ABAT: variants seen among roughly 807,000 people sequenced by gnomAD.
ABAT encodes 4-aminobutyrate aminotransferase, mitochondrial.
In ABAT, 45 loss-of-function variants were observed where a neutral mutation model predicts 64.6. The observed-to-expected ratio is 0.70, with a 90% CI of 0.55 to 0.89. The LOEUF is 0.89. Among genes scored for constraint, ABAT ranks in the 40% least tolerant of loss-of-function variants. ABAT has a pLI of 0.00. For missense variants in ABAT, 633 were observed against 658.4 expected (o/e 0.96, Z 0.42); for synonymous variants, 297 against 250.5 (o/e 1.19, Z -1.75).
chr16:8,708,177 G>C (rs1039112321), intron 1 of ABAT, among the ~76,000 whole-genome samples: 4 of 152,138 alleles, frequency 2.6e-5, no homozygotes, highest in Non-Finnish European at 5.9e-5. Flanking sequence ...GAGTCTGCTG[G>C]GAGAGAGAAT....
chr16:8,781,629 A>T lies in ABAT; in HGVS notation c.*199A>T. On this transcript the variant is annotated 3_prime_UTR_variant, in exon 16 of 16. Coordinates refer to ENST00000268251, the MANE Select transcript of ABAT (RefSeq NM_020686.6). The surrounding 1 kb of genome is among the most constrained non-coding windows in gnomAD (Gnocchi z 4.5). ...CTGGTGTTGATTTTCCTCCCTGCAG[A>T]GCCAATGGTGCACATTGGTTTAAGC... is the stretch of plus-strand genomic sequence containing the variant. 1 of 697,778 alleles carries T rather than the reference A, an allele frequency of 1.4e-6. No individual in the cohort carries two copies. Among genetic ancestry groups the T allele is most frequent in the Admixed American group, 2.1e-5 (1 of 46,622 alleles). The allele number at this position is 697,778 out of a possible 1,614,324, so 43.2% of individuals were successfully genotyped here.
intron 1 of ABAT, among the ~76,000 whole-genome samples, chr16:8,724,731 G>GAAAA (rs1567286719): frequency 1.4e-5 from 1 of 73,194 alleles, no homozygotes; most frequent in African/African-American, 4.3e-5. Context: ...CTTGTCTCAG[G>GAAAA]AAAAAAAAAA....
intron 1 of ABAT, among the ~76,000 whole-genome samples, chr16:8,685,175 A>G (rs899562463): frequency 6.6e-6 from 1 of 151,794 alleles, no homozygotes; most frequent in African/African-American, 2.4e-5. Flanking sequence ...AGTGCCAACT[A>G]CTCGGGAGGC....
chr16:8,781,603 G>T lies in ABAT; in HGVS notation c.*173G>T. The stretch of plus-strand genomic sequence containing the variant: ...TTGGGGGAGGGGAGGGGAGGGAAGG[G>T]CTGGTGTTGATTTTCCTCCCTGCAG... On this transcript the variant is annotated 3_prime_UTR_variant, in exon 16 of 16. Coordinates refer to ENST00000268251, the MANE Select transcript of ABAT (RefSeq NM_020686.6). This position sits in a 1 kb window ranked among gnomAD's most constrained non-coding sequence, Gnocchi z 4.5. 1.3e-6 allele frequency: 1 copy of T among 756,250 alleles called. No homozygotes were observed. 46.8% of individuals were successfully genotyped at this position (756,250 alleles called of 1,614,324 possible).
In ABAT at chr16:8,674,644, C is replaced by T. The variant is rs1056048537; in HGVS notation, c.-109C>T. ...GCAGACACCCAGCGCTGCCGGAACT[C>T]GGGGCGCGCATCCCGCAAGTCGGAA... On this transcript the variant is annotated 5_prime_UTR_variant, in exon 1 of 16. Coordinates refer to ENST00000268251, the MANE Select transcript of ABAT (RefSeq NM_020686.6). 1.3e-5 allele frequency: 2 copies of T among 152,252 alleles called. No individual in the cohort carries two copies. Among genetic ancestry groups the T allele is most frequent in the African/African-American group, 4.8e-5 (2 of 41,466 alleles). The allele number at this position is 152,252 out of a possible 1,614,324, so 9.4% of individuals were successfully genotyped here.
intron 1 of ABAT, among the ~76,000 whole-genome samples, chr16:8,712,624 C>T (rs1021315456): frequency 1.3e-5 from 2 of 152,120 alleles, no homozygotes; most frequent in Non-Finnish European, 2.9e-5. Context: ...TGTGGAGTCC[C>T]CTTTGGCCCT....
chr16:8,675,370 A>G (rs2057173712), intron 1 of ABAT, among the ~76,000 whole-genome samples: 1 of 152,006 alleles, frequency 6.6e-6, no homozygotes, highest in South Asian at 2.1e-4. Flanking sequence ...CCCAGTAAAG[A>G]TGTAAAATGA....
In ABAT at chr16:8,776,996, T is replaced by A. The variant is rs1198856721; in HGVS notation, c.1269+506T>A. Among the ~76,000 whole-genome samples the A allele has an allele frequency of 2.0e-5, 3 of 152,222 alleles. No homozygotes were observed. The highest frequency in any genetic ancestry group is 2.0e-4 in the Admixed American group (3 of 15,286). ...TCACCGCAACCGCTGCCTCCTGGGT[T>A]CAGGAGATTCTCCGGCCTCAGCCTC... On this transcript the variant is annotated intron_variant, in intron 14 of 15. Coordinates refer to ENST00000268251, the MANE Select transcript of ABAT (RefSeq NM_020686.6). This position sits in a 1 kb window ranked among gnomAD's most constrained non-coding sequence, Gnocchi z 4.4.
At chr16:8,714,629 C>G (rs1245588117) in intron 1 of ABAT, 3 of 152,488 alleles carry the variant, frequency 2.0e-5, no homozygotes, top group African/African-American at 7.2e-5. Context: ...CGCTGAAGAT[C>G]CTGCAGTTGG....
chr16:8,781,513 T>G lies in ABAT; in HGVS notation c.*83T>G. The G allele has an allele frequency of 6.8e-7, 1 of 1,472,904 alleles. No homozygotes were observed. Among genetic ancestry groups the G allele is most frequent in the South Asian group, 1.1e-5 (1 of 89,152 alleles). 91.2% of individuals were successfully genotyped at this position (1,472,904 alleles called of 1,614,324 possible). ...AGTTTGCCTAATTCATGTTTTCACT[T>G]AAAAGTATCAGAGGTGAATGCACAG... On this transcript the variant is annotated 3_prime_UTR_variant, in exon 16 of 16. Transcript: ENST00000268251. This position sits in a 1 kb window ranked among gnomAD's most constrained non-coding sequence, Gnocchi z 4.5.
intron 1 of ABAT, among the ~76,000 whole-genome samples, chr16:8,712,328 A>G (rs1363370378): frequency 6.6e-6 from 1 of 152,238 alleles, no homozygotes; most frequent in African/African-American, 2.4e-5. Flanking sequence ...AAGGATACTG[A>G]TGTCTACAGT....
chr16:8,725,740 C>T (rs998296605), intron 1 of ABAT, among the ~76,000 whole-genome samples: 5 of 152,088 alleles, frequency 3.3e-5, no homozygotes, highest in African/African-American at 1.2e-4. Context: ...CCTTTTGCAC[C>T]AACCTAGTAC....
At position 8,772,924 on chromosome 16, in the gene ABAT, G is replaced by A; in HGVS notation, c.954+7G>A. On this transcript the variant is annotated splice_region_variant and intron_variant, in intron 12 of 15. Coordinates refer to ENST00000268251, the MANE Select transcript of ABAT (RefSeq NM_020686.6). ...GAGAGACATCGCCAGGAAGGTCAGT[G>A]GACAGGGCCGAGGTTGGATGGAGCC... The A allele has an allele frequency of 6.2e-7, 1 of 1,613,384 alleles. No individual in the cohort carries two copies. Among genetic ancestry groups the A allele is most frequent in the South Asian group, 1.1e-5 (1 of 91,026 alleles).
chr16:8,768,280 C>T, intron 10 of ABAT, 24 bp downstream of exon 10: 3 of 1,611,972 alleles, frequency 1.9e-6, no homozygotes, highest in Non-Finnish European at 2.5e-6. Context: ...ATTGCGCTCC[C>T]AAGGTGGCGT....
chr16:8,757,901 T>C (rs961336944), intron 6 of ABAT, 95 bp downstream of exon 6: 52 of 1,344,544 alleles, frequency 3.9e-5, no homozygotes, highest in Non-Finnish European at 9.6e-6. Flanking sequence ...TTTCATTCAT[T>C]CATTCATTCC....
chr16:8,682,186 TACAC>T (rs55951090), intron 1 of ABAT, among the ~76,000 whole-genome samples: 342 of 131,554 alleles, frequency 2.6e-3, no homozygotes, highest in African/African-American at 7.2e-3. Flanking sequence ...CCTAACAGGA[TACAC>T]ACACACACAC....
chr16:8,704,059 T>C (rs2057885562), intron 1 of ABAT, among the ~76,000 whole-genome samples: 1 of 152,234 alleles, frequency 6.6e-6, no homozygotes, highest in South Asian at 2.1e-4. Flanking sequence ...TTTCCTTTCT[T>C]CCACTATCTT....
intron 12 of ABAT, among the ~76,000 whole-genome samples, chr16:8,773,364 C>G (rs995259774): frequency 2.0e-5 from 3 of 152,160 alleles, no homozygotes; most frequent in African/African-American, 7.2e-5. Flanking sequence ...GTTGGCCAGG[C>G]TGGTCTTGAA....
At chr16:8,684,011 C>T (rs558119491) in intron 1 of ABAT, among the ~76,000 whole-genome samples, 2 of 152,132 alleles carry the variant, frequency 1.3e-5, no homozygotes, top group African/African-American at 2.4e-5. Context: ...TCAGCTACTA[C>T]ACCAGCGCCT....
Sources: gnomAD v4.1 joint callset for allele counts (sites outside exome capture counted in the v4.1 genomes callset) on GRCh38, gnomAD v4.1.1 for gene constraint, Gnocchi (gnomAD v3.1) non-coding constraint, MANE v1.5 for transcripts, NCBI Gene and HGNC (gene_info 2026-07-23, HGNC 2026-07-21) for gene names.